Variants in LYZL2 observed in about 807,000 individuals in gnomAD.
The protein encoded by LYZL2 is lysozyme-like protein 2.
In LYZL2, 13 loss-of-function variants were observed where a neutral mutation model predicts 17.1. The observed-to-expected ratio is 0.76, with a 90% CI of 0.49 to 1.21. The LOEUF is 1.21. LYZL2 is among the 50% of genes most tolerant of loss of function. The pLI, the probability that LYZL2 is intolerant of heterozygous loss-of-function variation, is 0.00. For synonymous variants in LYZL2, 63 were observed against 74.4 expected (o/e 0.85, Z 0.79); for missense variants, 166 against 189.2 (o/e 0.88, Z 0.72).
chr10:30,612,843 T>C lies in LYZL2; in HGVS notation c.356A>G (p.Glu119Gly), dbSNP rs1023596166. 3.1e-6 allele frequency: 5 copies of C among 1,613,664 alleles called. No homozygotes were observed. Among genetic ancestry groups the C allele is most frequent in the Non-Finnish European group, 4.2e-6 (5 of 1,179,632 alleles). Reference protein sequence around the residue: ...AIICAKKIVKETQGMNYWQGW... With the variant: ...AIICAKKIVKGTQGMNYWQGW... The stretch of plus-strand genomic sequence containing the variant: ...TTACCAATAGTTCATTCCTTGTGTC[T>C]CTTTAACAATTTTCTTGGCACAGAT... The change falls in exon 4 of 5, where the codon GAG becomes GGG. Residue 119 changes from glutamate to glycine, a missense_variant. This residue lies in a region of LYZL2 where 134 missense variants were observed against 129.4 expected (regional missense o/e 1.04). Transcript: ENST00000647634.
chr10:30,618,894 A>T (rs1357661120), intron 3 of LYZL2, among the ~76,000 whole-genome samples: 2 of 152,260 alleles, frequency 1.3e-5, no homozygotes, highest in African/African-American at 2.4e-5. Context: ...CAGGCAACCT[A>T]CAGAATGGGA....
intron 4 of LYZL2, 135 bp from the exon 5 acceptor site, chr10:30,612,159 AGGAC>A: frequency 9.3e-7 from 1 of 1,071,830 alleles, no homozygotes; most frequent in Non-Finnish European, 1.4e-6. Flanking sequence ...CTGAGATCAA[AGGAC>A]GCTGTCATTT....
At chr10:30,621,646 T>C (rs544688003) in intron 3 of LYZL2, among the ~76,000 whole-genome samples, 4 of 152,300 alleles carry the variant, frequency 2.6e-5, no homozygotes, top group South Asian at 2.1e-4. Flanking sequence ...GAATTTTATA[T>C]GTAAAGAAAA....
At chr10:30,612,316 G>A (rs1281338816) in intron 4 of LYZL2, among the ~76,000 whole-genome samples, 1 of 152,174 alleles carries the variant, frequency 6.6e-6, no homozygotes, top group African/African-American at 2.4e-5. Context: ...GGGCCGGCTG[G>A]CAATGTTCAC....
intron 3 of LYZL2, among the ~76,000 whole-genome samples, chr10:30,620,640 CACAT>C (rs1838605440): frequency 6.6e-6 from 1 of 152,018 alleles, no homozygotes; most frequent in Admixed American, 6.6e-5. Context: ...AGAAATGTGA[CACAT>C]ACTAAGAAAA....
At chr10:30,623,881 G>A (rs2132947725) in intron 3 of LYZL2, among the ~76,000 whole-genome samples, 1 of 152,258 alleles carries the variant, frequency 6.6e-6, no homozygotes, top group South Asian at 2.1e-4. Context: ...GTTCCCTGGT[G>A]CCAAAAAGGT....
downstream of LYZL2, among the ~76,000 whole-genome samples, chr10:30,607,065 C>G (rs556677200): frequency 4.6e-3 from 693 of 151,796 alleles, 7 homozygotes; most frequent in African/African-American, 0.016. Flanking sequence ...CACCCGCCAC[C>G]ACGCCTGGCT....
intron 1 of LYZL2, among the ~76,000 whole-genome samples, chr10:30,628,901 T>A (rs980548872): frequency 2.0e-5 from 3 of 152,228 alleles, no homozygotes; most frequent in African/African-American, 7.2e-5. Flanking sequence ...TATTGAAACA[T>A]AGCTACTCTC....
At chr10:30,620,305 C>A (rs1838600130) in intron 3 of LYZL2, among the ~76,000 whole-genome samples, 2 of 152,214 alleles carry the variant, frequency 1.3e-5, no homozygotes, top group African/African-American at 4.8e-5. Context: ...TGCTTACTAG[C>A]AACACCTCTT....
intron 3 of LYZL2, 24 bp downstream of exon 3, chr10:30,626,081 A>T (rs763146977): frequency 1.2e-5 from 20 of 1,606,344 alleles, no homozygotes; most frequent in Non-Finnish European, 1.6e-5. Flanking sequence ...TGAGGATGGC[A>T]TCACTGGAAA....
At chr10:30,616,980 C>T (rs1266480215) in intron 3 of LYZL2, among the ~76,000 whole-genome samples, 1 of 152,066 alleles carries the variant, frequency 6.6e-6, no homozygotes, top group Non-Finnish European at 1.5e-5. Flanking sequence ...GATATATGTT[C>T]AAATTACTTA....
chr10:30,620,466 C>T (rs1033142005), intron 3 of LYZL2, among the ~76,000 whole-genome samples: 2 of 152,210 alleles, frequency 1.3e-5, no homozygotes, highest in Admixed American at 6.5e-5. Context: ...TCAAAATAGT[C>T]TTTTTCTTTC....
intron 3 of LYZL2, among the ~76,000 whole-genome samples, chr10:30,614,412 C>T (rs58635983): frequency 5.4e-4 from 83 of 152,322 alleles, no homozygotes; most frequent in African/African-American, 1.4e-3. Context: ...ATGCCTCTGC[C>T]TCACACGTCA....
downstream of LYZL2, chr10:30,611,722 G>GA: frequency 1.7e-5 from 2 of 118,072 alleles, no homozygotes; most frequent in Non-Finnish European, 3.4e-5. Flanking sequence ...AAGAAAGAAA[G>GA]AAAAGAAAAG....
chr10:30,616,427 A>G (rs382439), intron 3 of LYZL2, among the ~76,000 whole-genome samples: 104,283 of 152,224 alleles, frequency 0.69, 36,585 homozygotes, highest in African/African-American at 0.78. Context: ...GCTCACGCCT[A>G]TAATCCCAGC....
At chr10:30,607,134 A>G (rs75522452), downstream of LYZL2, among the ~76,000 whole-genome samples, 1 of 17,538 alleles carries the variant, frequency 5.7e-5, no homozygotes. Context: ...CTGGTCTCAA[A>G]CTCCTGATCT....
At chr10:30,611,366 G>C (rs183590897), downstream of LYZL2, among the ~76,000 whole-genome samples, 2 of 151,776 alleles carry the variant, frequency 1.3e-5, no homozygotes, top group African/African-American at 4.8e-5. Flanking sequence ...GGGTGTGGTG[G>C]CACATGCCTG....
intron 3 of LYZL2, among the ~76,000 whole-genome samples, chr10:30,620,374 G>A (rs1838601120): frequency 6.6e-6 from 1 of 152,180 alleles, no homozygotes; most frequent in Non-Finnish European, 1.5e-5. Context: ...CCTGGTACCA[G>A]TCTTTGTTGT....
intron 3 of LYZL2, among the ~76,000 whole-genome samples, chr10:30,620,464 G>A (rs1441216631): frequency 6.6e-6 from 1 of 152,148 alleles, no homozygotes; most frequent in East Asian, 1.9e-4. Flanking sequence ...TTTCAAAATA[G>A]TCTTTTTCTT....
Sources: gnomAD v4.1 joint callset for allele counts (sites outside exome capture counted in the v4.1 genomes callset) on GRCh38, gnomAD v4.1.1 for gene constraint, gnomAD v4.1.1 regional missense constraint, MANE v1.5 for transcripts, NCBI Gene and HGNC (gene_info 2026-07-23, HGNC 2026-07-21) for gene names.